The following OR2L13 variants were observed in gnomAD, a reference collection of about 807,000 sequenced individuals.
OR2L13 encodes olfactory receptor 2L13.
A neutral mutation model predicts 15.3 loss-of-function variants in OR2L13; 14 were observed. The ratio of observed to expected loss-of-function variants is 0.91; its 90% CI spans 0.60 to 1.43. The LOEUF is 1.43. OR2L13 is among the 40% of genes most tolerant of loss of function. The probability of loss-of-function intolerance (pLI) is 0.00; values close to 1 mark genes in which losing one functional copy is unlikely to be tolerated. For synonymous variants in OR2L13, 152 were observed against 142.9 expected (o/e 1.06, Z -0.45); for missense variants, 367 against 387.9 (o/e 0.95, Z 0.45).
the OR2L13 span, among the ~76,000 whole-genome samples, chr1:247,983,627 C>T: frequency 6.6e-6 from 1 of 152,082 alleles, no homozygotes; most frequent in Non-Finnish European, 1.5e-5. Flanking sequence ...AGACTGCTTC[C>T]TTGTTAGTGA....
chr1:248,094,234 AAAAC>A (rs1558221058), upstream of OR2L13, among the ~76,000 whole-genome samples: 1 of 152,138 alleles, frequency 6.6e-6, no homozygotes, highest in Non-Finnish European at 1.5e-5. Flanking sequence ...TTAAAGGAAA[AAAAC>A]AAAGAACATG....
chr1:248,076,059 C>T, the OR2L13 span, among the ~76,000 whole-genome samples: 2 of 152,142 alleles, frequency 1.3e-5, no homozygotes, highest in Non-Finnish European at 2.9e-5. Flanking sequence ...TTTCAGCTTT[C>T]TACAGATGGC....
the OR2L13 span, among the ~76,000 whole-genome samples, chr1:248,057,384 A>G: frequency 7.2e-5 from 11 of 152,204 alleles, no homozygotes; most frequent in Non-Finnish European, 1.2e-4. Flanking sequence ...CTTTTACATT[A>G]TGTAATGCCC....
At chr1:247,977,407 C>A in the OR2L13 span, among the ~76,000 whole-genome samples, 1 of 152,116 alleles carries the variant, frequency 6.6e-6, no homozygotes, top group Non-Finnish European at 1.5e-5. Context: ...ACATATATAT[C>A]TACTTATGAA....
the OR2L13 span, among the ~76,000 whole-genome samples, chr1:247,968,190 A>C: frequency 6.6e-6 from 1 of 152,188 alleles, no homozygotes; most frequent in Non-Finnish European, 1.5e-5. Flanking sequence ...TAAAAGGAGA[A>C]TATGACTCCA....
At chr1:248,044,455 T>A in the OR2L13 span, among the ~76,000 whole-genome samples, 2 of 152,156 alleles carry the variant, frequency 1.3e-5, no homozygotes, top group Non-Finnish European at 2.9e-5. Context: ...CCACTCACTC[T>A]CCACCAATCA....
chr1:248,067,610 G>C, the OR2L13 span, among the ~76,000 whole-genome samples: 1 of 152,208 alleles, frequency 6.6e-6, no homozygotes, highest in Non-Finnish European at 1.5e-5. Flanking sequence ...GAGGTACCGG[G>C]TTCATCTCAC....
the OR2L13 span, among the ~76,000 whole-genome samples, chr1:248,050,211 C>G: frequency 1.3e-5 from 2 of 151,854 alleles, no homozygotes; most frequent in Non-Finnish European, 2.9e-5. Flanking sequence ...CTCGTTCTTT[C>G]CTCCTGTGTA....
chr1:248,095,607 C>CTTTTTTTTTTTTTTGTTTTTTTTTTTT (rs1664716935), upstream of OR2L13, among the ~76,000 whole-genome samples: 1 of 37,294 alleles, frequency 2.7e-5, no homozygotes, highest in South Asian at 2.4e-3. Context: ...AAAGCTGCTG[C>CTTTTTTTTTTTTTTGTTTTTTTTTTTT]TTTTTTTTTT....
At chr1:248,007,276 T>C in the OR2L13 span, among the ~76,000 whole-genome samples, 1 of 152,198 alleles carries the variant, frequency 6.6e-6, no homozygotes, top group Admixed American at 6.5e-5. Flanking sequence ...ATCCTATTTT[T>C]CATGCCAATG....
the OR2L13 span, among the ~76,000 whole-genome samples, chr1:248,070,402 A>G: frequency 0.053 from 8,011 of 152,108 alleles, 701 homozygotes; most frequent in African/African-American, 0.18. Context: ...ATGAAGGCAG[A>G]AATAAAGATG....
the OR2L13 span, among the ~76,000 whole-genome samples, chr1:248,067,995 G>T: frequency 1.3e-5 from 2 of 152,274 alleles, no homozygotes; most frequent in African/African-American, 4.8e-5. Flanking sequence ...CAGGCGGGAA[G>T]CTCGAACTGG....
the OR2L13 span, among the ~76,000 whole-genome samples, chr1:247,950,884 TTG>T: frequency 6.6e-6 from 1 of 151,964 alleles, no homozygotes; most frequent in African/African-American, 2.4e-5. Flanking sequence ...GTAGAATATA[TTG>T]TATATATTAA....
the OR2L13 span, among the ~76,000 whole-genome samples, chr1:247,957,338 G>C: frequency 6.6e-4 from 101 of 152,168 alleles, 1 homozygote; most frequent in East Asian, 0.017. Context: ...TGCTGGATTC[G>C]GTTTGCCAGT....
chr1:247,981,815 C>T, the OR2L13 span, among the ~76,000 whole-genome samples: 2 of 149,930 alleles, frequency 1.3e-5, no homozygotes, highest in Admixed American at 6.6e-5. Flanking sequence ...CTCATAATAA[C>T]AATTTTTTTT....
chr1:248,017,273 T>C, the OR2L13 span, among the ~76,000 whole-genome samples: 7 of 152,328 alleles, frequency 4.6e-5, no homozygotes, highest in African/African-American at 1.7e-4. Context: ...GATTTATTTT[T>C]ACATAAGAAA....
chr1:247,950,648 C>T, the OR2L13 span, among the ~76,000 whole-genome samples: 1 of 151,996 alleles, frequency 6.6e-6, no homozygotes, highest in Non-Finnish European at 1.5e-5. Flanking sequence ...ATGTCAGGCA[C>T]AGAAAGACAG....
At chr1:247,958,386 T>C in the OR2L13 span, among the ~76,000 whole-genome samples, 10 of 152,258 alleles carry the variant, frequency 6.6e-5, no homozygotes, top group Admixed American at 3.3e-4. Flanking sequence ...TTGGAATAGG[T>C]GTGTTGTGGT....
chr1:247,940,440 A>G, the OR2L13 span, among the ~76,000 whole-genome samples: 1 of 152,204 alleles, frequency 6.6e-6, no homozygotes, highest in South Asian at 2.1e-4. Flanking sequence ...TGTATATTTA[A>G]TAAATATCAT....
Sources: gnomAD v4.1 joint callset for allele counts (sites outside exome capture counted in the v4.1 genomes callset) on GRCh38, gnomAD v4.1.1 for gene constraint, MANE v1.5 for transcripts, NCBI Gene and HGNC (gene_info 2026-07-23, HGNC 2026-07-21) for gene names.